NTM: variants seen among roughly 807,000 people sequenced by gnomAD.
NTM encodes IgLON family member 2.
In NTM, 13 loss-of-function variants were observed where a neutral mutation model predicts 42.1. The ratio of observed to expected loss-of-function variants is 0.31; its 90% CI spans 0.20 to 0.49. The LOEUF (loss-of-function observed/expected upper bound fraction) is 0.49. Among genes scored for constraint, NTM ranks in the 20% least tolerant of loss-of-function variants. The pLI, the probability that NTM is intolerant of heterozygous loss-of-function variation, is 0.99. For synonymous variants in NTM, 187 were observed against 179.2 expected, an observed-to-expected ratio of 1.04 and a Z score of -0.35; for missense variants, 373 against 452.8, an observed-to-expected ratio of 0.82 and a Z score of 1.60.
chr11:132,224,402 A>G (rs1000620166), intron 4 of NTM, among the ~76,000 whole-genome samples: 8 of 152,032 alleles, frequency 5.3e-5, no homozygotes, highest in Middle Eastern at 3.4e-3. Context: ...GAAGGGGGAA[A>G]TTCTTTTCTC....
In NTM at chr11:131,394,881, G is replaced by A. The variant is rs531928257; in HGVS notation, c.82+23993G>A. On this transcript the variant is annotated intron_variant, in intron 1 of 8. Transcript: ENST00000683400. ...ATGGTGCACTAAGGCACTGTTCTAGGTTCTGGGAATGAAACAGTAAATAAA... is the reference window on the plus strand; with the variant it reads ...ATGGTGCACTAAGGCACTGTTCTAGATTCTGGGAATGAAACAGTAAATAAA... 2.6e-5 allele frequency among the ~76,000 whole-genome samples: 4 copies of A among 152,304 alleles called. No homozygotes were observed. The South Asian group carries it at 8.3e-4, about 32-fold the overall frequency.
intron 2 of NTM, among the ~76,000 whole-genome samples, chr11:132,078,340 ATAT>A (rs2058623291): frequency 6.6e-6 from 1 of 152,210 alleles, no homozygotes; most frequent in South Asian, 2.1e-4. Flanking sequence ...CAGGGTTAGC[ATAT>A]TGCCTAGAGT....
chr11:131,725,392 G>A (rs1011741990), intron 1 of NTM, among the ~76,000 whole-genome samples: 2 of 152,186 alleles, frequency 1.3e-5, no homozygotes, highest in Non-Finnish European at 2.9e-5. Context: ...ATTCTATGGA[G>A]AGAAGTCAGA....
At chr11:131,525,557 T>C (rs556928752) in intron 1 of NTM, among the ~76,000 whole-genome samples, 41 of 152,206 alleles carry the variant, frequency 2.7e-4, no homozygotes, top group African/African-American at 7.7e-4. Context: ...CTGGGCAAAT[T>C]TGGAAAATTG....
intron 1 of NTM, among the ~76,000 whole-genome samples, chr11:131,542,504 G>A (rs571976584): frequency 2.4e-4 from 36 of 152,262 alleles, no homozygotes; most frequent in Admixed American, 1.6e-3. Flanking sequence ...GAAATGTGGC[G>A]ACATCTTGAG....
chr11:131,596,649 C>T (rs1474073586), intron 1 of NTM, among the ~76,000 whole-genome samples: 1 of 152,202 alleles, frequency 6.6e-6, no homozygotes, highest in Non-Finnish European at 1.5e-5. Flanking sequence ...TGTCTAAGGA[C>T]ACCATGGAGG....
intron 1 of NTM, among the ~76,000 whole-genome samples, chr11:131,855,233 C>T (rs10894462): frequency 0.34 from 51,563 of 152,062 alleles, 10,758 homozygotes; most frequent in East Asian, 0.48. Context: ...TACTCCAAGA[C>T]GTGATTGAGA....
intron 3 of NTM, among the ~76,000 whole-genome samples, chr11:132,182,898 C>G (rs1035374431): frequency 6.6e-6 from 1 of 152,170 alleles, no homozygotes; most frequent in African/African-American, 2.4e-5. Context: ...ATTTTACTTA[C>G]AGGTTTCACA....
At chr11:131,561,767 C>T (rs563392167) in intron 1 of NTM, among the ~76,000 whole-genome samples, 5 of 152,298 alleles carry the variant, frequency 3.3e-5, no homozygotes, top group African/African-American at 9.6e-5. Context: ...CCCGAGAAAG[C>T]CTCATTCCTT....
At chr11:131,771,332 C>CACAGA (rs1162695248) in intron 1 of NTM, 6 of 152,306 alleles carry the variant, frequency 3.9e-5, no homozygotes, top group African/African-American at 1.4e-4. Context: ...GTGTCCATTA[C>CACAGA]ACAGATGATA....
chr11:132,013,780 G>T (rs1383058373), intron 2 of NTM, among the ~76,000 whole-genome samples: 1 of 152,040 alleles, frequency 6.6e-6, no homozygotes, highest in Non-Finnish European at 1.5e-5. Context: ...TCATGTTTAT[G>T]TGATACATAT....
chr11:131,818,558 G>T (rs1592069118), intron 1 of NTM, among the ~76,000 whole-genome samples: 1 of 152,082 alleles, frequency 6.6e-6, no homozygotes, highest in Admixed American at 6.5e-5. Context: ...TTGGGGGCAG[G>T]CTATTTAACA....
At chr11:132,194,414 A>G (rs910488757) in intron 3 of NTM, among the ~76,000 whole-genome samples, 1 of 152,152 alleles carries the variant, frequency 6.6e-6, no homozygotes, top group Non-Finnish European at 1.5e-5. Flanking sequence ...AAAATTCAAC[A>G]TTCCTTCATG....
At chr11:132,289,270 A>G (rs1490633988) in intron 4 of NTM, among the ~76,000 whole-genome samples, 1 of 152,108 alleles carries the variant, frequency 6.6e-6, no homozygotes, top group Non-Finnish European at 1.5e-5. Flanking sequence ...TTTTTATCTT[A>G]CTAGACTCTA....
chr11:132,246,978 T>C (rs2091270266), intron 4 of NTM, among the ~76,000 whole-genome samples: 1 of 152,178 alleles, frequency 6.6e-6, no homozygotes, highest in African/African-American at 2.4e-5. Context: ...CAGATACTGT[T>C]CCCTCTGCTG....
At chr11:131,924,047 G>T (rs1213411875) in intron 2 of NTM, among the ~76,000 whole-genome samples, 3 of 152,216 alleles carry the variant, frequency 2.0e-5, no homozygotes, top group Non-Finnish European at 4.4e-5. Flanking sequence ...AGCTGAGGAA[G>T]GACCTGGCCT....
chr11:131,833,131 G>A (rs188011939), intron 1 of NTM, among the ~76,000 whole-genome samples: 94 of 152,190 alleles, frequency 6.2e-4, no homozygotes, highest in Middle Eastern at 3.4e-3. Flanking sequence ...GTATCGTTCT[G>A]ACCACATATT....
At chr11:131,895,730 T>A (rs568006885) in intron 1 of NTM, among the ~76,000 whole-genome samples, 14 of 152,148 alleles carry the variant, frequency 9.2e-5, no homozygotes, top group Non-Finnish European at 2.1e-4. Context: ...TTTAAAATAA[T>A]TGATTTCAAC....
intron 1 of NTM, among the ~76,000 whole-genome samples, chr11:131,898,352 A>G (rs951178160): frequency 1.4e-4 from 22 of 152,210 alleles, no homozygotes; most frequent in African/African-American, 5.3e-4. Context: ...AGGCCTAGAT[A>G]TTTTTTACAT....
Sources: gnomAD v4.1 joint callset for allele counts (sites outside exome capture counted in the v4.1 genomes callset) on GRCh38, gnomAD v4.1.1 for gene constraint, MANE v1.5 for transcripts, NCBI Gene and HGNC (gene_info 2026-07-23, HGNC 2026-07-21) for gene names.